ERC1: variants seen among roughly 807,000 people sequenced by gnomAD.
ERC1 encodes the protein RAB6 interacting protein 2.
A neutral mutation model predicts 132.0 loss-of-function variants in ERC1; 56 were observed. That is an observed-to-expected ratio of 0.42 (90% CI 0.34 to 0.53). The LOEUF (loss-of-function observed/expected upper bound fraction) is 0.53. Ranked by LOEUF, ERC1 falls within the 20% of genes least tolerant of loss-of-function variation. The pLI, the probability that ERC1 is intolerant of heterozygous loss-of-function variation, is 0.03. For synonymous variants in ERC1, 478 were observed against 476.1 expected (o/e 1.00, Z -0.05); for missense variants, 1,202 against 1,349.9 (o/e 0.89, Z 1.72).
chr12:1,229,401 T>C (rs2074853166), intron 12 of ERC1, among the ~76,000 whole-genome samples: 1 of 152,156 alleles, frequency 6.6e-6, no homozygotes, highest in Non-Finnish European at 1.5e-5. Context: ...CTTGAGAGGC[T>C]GAGGCAGGAG....
chr12:1,083,521 G>A lies in ERC1; in HGVS notation c.1027G>A (p.Val343Ile), dbSNP rs912612332. 5.0e-6 allele frequency: 8 copies of A among 1,613,320 alleles called. No individual in the cohort carries two copies. Among genetic ancestry groups the A allele is most frequent in the South Asian group, 1.1e-5 (1 of 90,932 alleles). ...TRRLAEAEMH[V>I]HHLESLLEQK... ...ACGACTGGCAGAGGCAGAGATGCAC[G>A]TTCATCACCTAGAAAGCCTTTTGGA... The change falls in exon 3 of 19, where the codon GTT becomes ATT. Residue 343 changes from valine to isoleucine, a missense_variant. Transcript: ENST00000360905.
chr12:1,451,503 C>T lies in ERC1; in HGVS notation c.3213+6753C>T, dbSNP rs530490389. Reference sequence around the variant, plus strand: ...AGCTGGATACAGTGGTGTGTGCCTGCAGTCCCACCTACTCGGGAGGCCCAG... The same window carrying T: ...AGCTGGATACAGTGGTGTGTGCCTGTAGTCCCACCTACTCGGGAGGCCCAG... On this transcript the variant is annotated intron_variant, in intron 18 of 18. Transcript: ENST00000360905. Among the ~76,000 whole-genome samples the T allele has an allele frequency of 7.2e-5, 11 of 152,196 alleles. No homozygotes were observed. The South Asian group carries it at 2.1e-3, about 29-fold the overall frequency.
intron 16 of ERC1, among the ~76,000 whole-genome samples, chr12:1,373,520 G>A (rs750980154): frequency 1.2e-4 from 18 of 152,204 alleles, no homozygotes; most frequent in Admixed American, 6.5e-5. Flanking sequence ...GGTGGCTCAC[G>A]CCTGTAATCC....
intron 15 of ERC1, among the ~76,000 whole-genome samples, chr12:1,351,710 C>T (rs2085015382): frequency 6.6e-6 from 1 of 151,826 alleles, no homozygotes; most frequent in Admixed American, 6.6e-5. Context: ...CATAATTGTA[C>T]ATATTTATGG....
intron 15 of ERC1, among the ~76,000 whole-genome samples, chr12:1,309,907 C>A (rs1320536537): frequency 2.0e-5 from 3 of 151,672 alleles, no homozygotes; most frequent in Admixed American, 2.0e-4. Context: ...TGTAATAGTA[C>A]CTAGTGCTGA....
At chr12:1,336,129 C>A (rs145402616) in intron 15 of ERC1, among the ~76,000 whole-genome samples, 1 of 151,846 alleles carries the variant, frequency 6.6e-6, no homozygotes, top group East Asian at 1.9e-4. Context: ...TATTTCTAAT[C>A]GTGTTTGTTT....
intron 13 of ERC1, among the ~76,000 whole-genome samples, chr12:1,247,732 C>T (rs1225623363): frequency 6.6e-6 from 1 of 152,208 alleles, no homozygotes; most frequent in Non-Finnish European, 1.5e-5. Context: ...CACGGTGGCT[C>T]ATGCCTGTAA....
intron 18 of ERC1, among the ~76,000 whole-genome samples, chr12:1,485,739 TA>T (rs142113459): frequency 0.38 from 57,941 of 151,760 alleles, 11,409 homozygotes; most frequent in Middle Eastern, 0.47. Flanking sequence ...CTTCTGTCTC[TA>T]TACAGACATT....
intron 18 of ERC1, among the ~76,000 whole-genome samples, chr12:1,471,669 G>A (rs983253063): frequency 6.6e-6 from 1 of 152,198 alleles, no homozygotes; most frequent in African/African-American, 2.4e-5. Context: ...CCTTTGCTGG[G>A]GTTACTTGGT....
chr12:1,139,345 C>T (rs760543042), intron 7 of ERC1, among the ~76,000 whole-genome samples: 31 of 152,138 alleles, frequency 2.0e-4, no homozygotes, highest in Non-Finnish European at 3.5e-4. Flanking sequence ...AGTGTCAGTG[C>T]TTGTGTTCAC....
chr12:1,474,485 A>G (rs1394590438), intron 18 of ERC1, among the ~76,000 whole-genome samples: 3 of 152,148 alleles, frequency 2.0e-5, no homozygotes, highest in Admixed American at 1.3e-4. Context: ...AGAACTTTTA[A>G]CTGTATTTTC....
chr12:1,312,540 G>A (rs1594931127), intron 15 of ERC1, among the ~76,000 whole-genome samples: 1 of 152,236 alleles, frequency 6.6e-6, no homozygotes, highest in East Asian at 1.9e-4. Context: ...TGTATTTTTA[G>A]TAGAGACGAG....
At chr12:1,478,622 T>G (rs760138574) in intron 18 of ERC1, among the ~76,000 whole-genome samples, 1 of 151,842 alleles carries the variant, frequency 6.6e-6, no homozygotes, top group Non-Finnish European at 1.5e-5. Flanking sequence ...TGAAACCCCG[T>G]CTCTACTAAA....
chr12:1,133,406 T>C (rs2154241877), intron 7 of ERC1, among the ~76,000 whole-genome samples: 1 of 152,314 alleles, frequency 6.6e-6, no homozygotes. Flanking sequence ...TGCCTTGTAA[T>C]GGGTTCAGCT....
In ERC1 at chr12:1,408,176, G is replaced by A. The variant is rs375760084; in HGVS notation, c.2953G>A (p.Asp985Asn). 13 of 1,613,514 alleles carry A rather than the reference G, an allele frequency of 8.1e-6. No homozygotes were observed. Among genetic ancestry groups the A allele is most frequent in the Admixed American group, 3.3e-5 (2 of 59,970 alleles). ...GCAAAATCGAATGAAGCTAATGGCC[G>A]ACAACTACGAGGATGACCACTTCAA... is the stretch of plus-strand genomic sequence containing the variant. ...QTQNRMKLMA[D>N]NYEDDHFKSS... The change falls in exon 17 of 19, where the codon GAC becomes AAC. Residue 985 changes from aspartate to asparagine, a missense_variant. Transcript: ENST00000360905.
chr12:1,107,343 A>G (rs1397733157), intron 4 of ERC1, among the ~76,000 whole-genome samples: 1 of 152,210 alleles, frequency 6.6e-6, no homozygotes, highest in African/African-American at 2.4e-5. Flanking sequence ...ATTGAGGGTG[A>G]TGATGACAGA....
At chr12:1,129,802 T>C (rs1254331312) in intron 7 of ERC1, among the ~76,000 whole-genome samples, 1 of 147,738 alleles carries the variant, frequency 6.8e-6, no homozygotes, top group Non-Finnish European at 1.5e-5. Context: ...TGTTAAAAGA[T>C]GTATGTTAGA....
rs750956785 is a variant in ERC1, at chr12:1,083,309, C to G, written c.815C>G (p.Ala272Gly). Reference protein sequence around the residue: ...LTEENFQRLHAEHERQAKELF... With the variant: ...LTEENFQRLHGEHERQAKELF... ...GAGGAGAACTTTCAGAGGCTTCATG[C>G]TGAGCATGAGCGGCAGGCCAAAGAG... The change falls in exon 3 of 19, where the codon GCT becomes GGT. Residue 272 changes from alanine to glycine, a missense_variant. Physicochemically the swap from Ala to Gly is moderately conservative, Grantham distance 60. Transcript: ENST00000360905. 3.7e-6 allele frequency: 6 copies of G among 1,614,176 alleles called. No homozygotes were observed.
At chr12:1,262,338 A>G (rs926970815) in intron 13 of ERC1, among the ~76,000 whole-genome samples, 4 of 152,200 alleles carry the variant, frequency 2.6e-5, no homozygotes, top group African/African-American at 9.7e-5. Flanking sequence ...TTTCTGATAG[A>G]TCAACATTCA....
Sources: allele counts gnomAD v4.1 joint callset (sites outside exome capture counted in the v4.1 genomes callset), GRCh38; gene constraint gnomAD v4.1.1; transcripts MANE v1.5; gene names NCBI Gene and HGNC (gene_info 2026-07-23, HGNC 2026-07-21).